Variants in HS3ST4 observed in about 807,000 individuals in gnomAD.
HS3ST4 encodes the protein heparan sulfate glucosamine 3-O-sulfotransferase 4.
A neutral mutation model predicts 29.2 loss-of-function variants in HS3ST4; 17 were observed. That is an observed-to-expected ratio of 0.58 (90% CI 0.40 to 0.87). The LOEUF is 0.87. Ranked by LOEUF, HS3ST4 falls within the 40% of genes least tolerant of loss-of-function variation. The pLI, the probability that HS3ST4 is intolerant of heterozygous loss-of-function variation, is 0.00. For synonymous variants in HS3ST4, 314 were observed against 285.7 expected, an observed-to-expected ratio of 1.10 and a Z score of -1.00; for missense variants, 627 against 634.5, an observed-to-expected ratio of 0.99 and a Z score of 0.13.
intron 1 of HS3ST4, among the ~76,000 whole-genome samples, chr16:25,722,074 T>G (rs549867210): frequency 6.6e-6 from 1 of 152,242 alleles, no homozygotes; most frequent in Non-Finnish European, 1.5e-5. Flanking sequence ...TTTGGCAGCG[T>G]GTAGCCCATT....
At chr16:25,848,530 T>C (rs933230828) in intron 1 of HS3ST4, among the ~76,000 whole-genome samples, 11 of 152,068 alleles carry the variant, frequency 7.2e-5, no homozygotes, top group African/African-American at 2.7e-4. Flanking sequence ...TTAATAATGA[T>C]CCATTTAATC....
intron 1 of HS3ST4, among the ~76,000 whole-genome samples, chr16:25,968,724 A>G (rs920077161): frequency 6.6e-6 from 1 of 152,158 alleles, no homozygotes; most frequent in Non-Finnish European, 1.5e-5. Context: ...TTCATAAAAT[A>G]AGCTTGCCAG....
intron 1 of HS3ST4, among the ~76,000 whole-genome samples, chr16:26,029,348 A>G (rs966930397): frequency 6.6e-6 from 1 of 151,936 alleles, no homozygotes; most frequent in Non-Finnish European, 1.5e-5. Context: ...ATGGTCCGCT[A>G]TTGCCATCTT....
intron 1 of HS3ST4, among the ~76,000 whole-genome samples, chr16:25,899,488 T>C (rs958220259): frequency 7.0e-6 from 1 of 142,712 alleles, no homozygotes; most frequent in African/African-American, 2.6e-5. Flanking sequence ...GGTATGCTGA[T>C]TGAACTCCTT....
chr16:26,066,106 T>C (rs1228904247), intron 1 of HS3ST4, among the ~76,000 whole-genome samples: 1 of 152,206 alleles, frequency 6.6e-6, no homozygotes, highest in Non-Finnish European at 1.5e-5. Flanking sequence ...TGGTCTTCAC[T>C]ATGAATCCTA....
At chr16:26,090,417 G>A (rs1194545835) in intron 1 of HS3ST4, among the ~76,000 whole-genome samples, 1 of 152,024 alleles carries the variant, frequency 6.6e-6, no homozygotes, top group African/African-American at 2.4e-5. Context: ...CAGACGTTGA[G>A]GATGATTCTA....
intron 1 of HS3ST4, among the ~76,000 whole-genome samples, chr16:25,761,098 T>G (rs1567234518): frequency 6.6e-6 from 1 of 152,068 alleles, no homozygotes; most frequent in Non-Finnish European, 1.5e-5. Context: ...AGGAGTCAGG[T>G]TGGAATCAGG....
At chr16:25,961,577 G>A (rs930250918) in intron 1 of HS3ST4, among the ~76,000 whole-genome samples, 19 of 152,140 alleles carry the variant, frequency 1.2e-4, no homozygotes, top group Non-Finnish European at 2.6e-4. Flanking sequence ...AATACCATGA[G>A]AATTACTAAT....
chr16:25,733,666 A>G (rs1288387521), intron 1 of HS3ST4, among the ~76,000 whole-genome samples: 1 of 151,940 alleles, frequency 6.6e-6, no homozygotes, highest in Non-Finnish European at 1.5e-5. Flanking sequence ...CCCTGTCCCA[A>G]ATTTGCTGTA....
chr16:25,763,587 A>G (rs7202610), intron 1 of HS3ST4, among the ~76,000 whole-genome samples: 70,236 of 152,042 alleles, frequency 0.46, 17,547 homozygotes, highest in Non-Finnish European at 0.58. Context: ...ATCTGAAGGA[A>G]GAAGAAGGGT....
chr16:25,713,353 C>T (rs1966430048), intron 1 of HS3ST4, among the ~76,000 whole-genome samples: 1 of 152,038 alleles, frequency 6.6e-6, no homozygotes. Context: ...CATAGTGAGA[C>T]CCTGTCTCTA....
intron 1 of HS3ST4, among the ~76,000 whole-genome samples, chr16:25,820,084 T>A (rs1967135047): frequency 6.7e-6 from 1 of 149,766 alleles, no homozygotes; most frequent in Non-Finnish European, 1.5e-5. Flanking sequence ...TTTAAAGTAT[T>A]TTCCTCCTCG....
At chr16:26,028,117 A>T (rs534540116) in intron 1 of HS3ST4, among the ~76,000 whole-genome samples, 1 of 152,076 alleles carries the variant, frequency 6.6e-6, no homozygotes, top group Admixed American at 6.5e-5. Context: ...TACTGAAAAT[A>T]CAAAAATTAG....
intron 1 of HS3ST4, among the ~76,000 whole-genome samples, chr16:25,736,300 A>G (rs777303013): frequency 2.6e-5 from 4 of 152,202 alleles, no homozygotes; most frequent in Non-Finnish European, 5.9e-5. Context: ...GCCTTTACCT[A>G]CTGGATGTGG....
At chr16:25,838,472 A>G (rs1967383001) in intron 1 of HS3ST4, among the ~76,000 whole-genome samples, 1 of 152,208 alleles carries the variant, frequency 6.6e-6, no homozygotes, top group African/African-American at 2.4e-5. Flanking sequence ...GCAGAAAACC[A>G]ACAAATATAG....
chr16:25,914,881 T>C (rs1175201171), intron 1 of HS3ST4, among the ~76,000 whole-genome samples: 4 of 151,926 alleles, frequency 2.6e-5, no homozygotes, highest in African/African-American at 2.4e-5. Flanking sequence ...ATCATTTTAT[T>C]GATAGGCTGA....
At chr16:25,872,693 A>G (rs192216825) in intron 1 of HS3ST4, among the ~76,000 whole-genome samples, 2 of 152,218 alleles carry the variant, frequency 1.3e-5, no homozygotes, top group East Asian at 3.8e-4. Flanking sequence ...CACATTGCTC[A>G]TGCACCATCG....
At chr16:25,770,372 C>G (rs957276452) in intron 1 of HS3ST4, among the ~76,000 whole-genome samples, 2 of 152,202 alleles carry the variant, frequency 1.3e-5, no homozygotes, top group African/African-American at 4.8e-5. Flanking sequence ...CAGTGCCTTA[C>G]ATGATCATCT....
chr16:26,027,580 G>A (rs1254849850), intron 1 of HS3ST4, among the ~76,000 whole-genome samples: 2 of 152,170 alleles, frequency 1.3e-5, no homozygotes, highest in Admixed American at 6.5e-5. Flanking sequence ...GTTTATTTAT[G>A]TTGAATAAAT....
Sources: gnomAD v4.1 joint callset for allele counts (sites outside exome capture counted in the v4.1 genomes callset) on GRCh38, gnomAD v4.1.1 for gene constraint, MANE v1.5 for transcripts, NCBI Gene and HGNC (gene_info 2026-07-23, HGNC 2026-07-21) for gene names.